Variants in TUSC3 observed in about 807,000 individuals in gnomAD.
TUSC3 encodes tumor suppressor candidate 3.
A neutral mutation model predicts 44.8 loss-of-function variants in TUSC3; 45 were observed. The observed-to-expected ratio is 1.00, with a 90% CI of 0.79 to 1.29. The LOEUF is 1.29. Among genes scored for constraint, TUSC3 ranks in the 50% most tolerant of loss-of-function variants. The probability of loss-of-function intolerance (pLI) is 0.00; values close to 1 mark genes in which losing one functional copy is unlikely to be tolerated. For missense variants in TUSC3, 519 were observed against 437.9 expected (o/e 1.19, Z -1.65); for synonymous variants, 212 against 152.9 (o/e 1.39, Z -2.85).
At chr8:15,807,030 A>C in the TUSC3 span, 1 of 1,430,172 alleles carries the variant, frequency 7.0e-7, no homozygotes, top group Non-Finnish European at 9.8e-7. Flanking sequence ...CAGACCCTGT[A>C]AATCCTGGTT....
chr8:15,836,079 G>C, the TUSC3 span, among the ~76,000 whole-genome samples: 4 of 151,620 alleles, frequency 2.6e-5, no homozygotes, highest in Non-Finnish European at 5.9e-5. Context: ...CAAAAGCTTT[G>C]TTTTCTTTCT....
At position 15,491,467 on chromosome 8, in the gene TUSC3, C is replaced by T. The variant is rs138900674; in HGVS notation, n.189+7984C>T. On this transcript the variant is annotated intron_variant and non_coding_transcript_variant, in intron 2 of 5. Coordinates refer to the TUSC3 transcript ENST00000503191. ...TTTTTTTCCTTTCAGTGTTACAAAT[C>T]AGAGTGAGTCTTGTAAATCTACCCA... Among the ~76,000 whole-genome samples the T allele has an allele frequency of 2.6e-3, 400 of 151,972 alleles. 2 individuals carry two copies. Among genetic ancestry groups the T allele is most frequent in the African/African-American group, 8.4e-3 (347 of 41,450 alleles).
intron 2 of TUSC3, among the ~76,000 whole-genome samples, chr8:15,515,698 C>T (rs112201719): frequency 6.6e-6 from 1 of 151,988 alleles, no homozygotes; most frequent in African/African-American, 2.4e-5. Context: ...GACGGAGTCT[C>T]ACTCTGTCAC....
the TUSC3 span, among the ~76,000 whole-genome samples, chr8:15,803,930 T>G: frequency 6.6e-6 from 1 of 152,242 alleles, no homozygotes; most frequent in Non-Finnish European, 1.5e-5. Flanking sequence ...GTGCCACATT[T>G]TCTTTATCCA....
downstream of TUSC3, among the ~76,000 whole-genome samples, chr8:15,769,491 G>C (rs761900683): frequency 6.6e-6 from 1 of 152,074 alleles, no homozygotes; most frequent in Admixed American, 6.5e-5. Flanking sequence ...AGAAAACCTA[G>C]GCAATACCAT....
chr8:15,483,260 G>T, intron 1 of TUSC3: 1 of 170,938 alleles, frequency 5.9e-6, no homozygotes, highest in South Asian at 1.4e-4. Context: ...TAAGCAACAT[G>T]GGTTATTAGT....
At chr8:15,658,667 A>T (rs979223374) in intron 3 of TUSC3, among the ~76,000 whole-genome samples, 1 of 139,446 alleles carries the variant, frequency 7.2e-6, no homozygotes, top group Non-Finnish European at 1.5e-5. Context: ...CACAAATACA[A>T]TATATATACA....
chr8:15,496,271 AT>A (rs1800878941), intron 2 of TUSC3, among the ~76,000 whole-genome samples: 1 of 152,164 alleles, frequency 6.6e-6, no homozygotes, highest in African/African-American at 2.4e-5. Flanking sequence ...CTTTTAACAT[AT>A]GTTCTGCCCT....
chr8:15,559,512 G>T (rs201081845), intron 1 of TUSC3, among the ~76,000 whole-genome samples: 1 of 127,940 alleles, frequency 7.8e-6, no homozygotes, highest in Non-Finnish European at 1.7e-5. Context: ...GTAGATGTCT[G>T]TTAGGTCCGC....
intron 1 of TUSC3, among the ~76,000 whole-genome samples, chr8:15,471,992 A>C (rs1304467902): frequency 6.6e-6 from 1 of 152,032 alleles, no homozygotes; most frequent in Non-Finnish European, 1.5e-5. Flanking sequence ...GGTTATGTGC[A>C]CAAGAAAAAA....
At chr8:15,446,237 C>T (rs536964769) in intron 1 of TUSC3, among the ~76,000 whole-genome samples, 1 of 151,582 alleles carries the variant, frequency 6.6e-6, no homozygotes, top group Admixed American at 6.6e-5. Flanking sequence ...CTCCTCACTT[C>T]CTAGATGGGA....
At chr8:15,589,000 C>G (rs1803711638) in intron 1 of TUSC3, among the ~76,000 whole-genome samples, 1 of 152,092 alleles carries the variant, frequency 6.6e-6, no homozygotes, top group Non-Finnish European at 1.5e-5. Context: ...ATGCTTCCAG[C>G]TTTGTTCTTT....
chr8:15,483,554 G>C (rs1294280343), intron 2 of TUSC3: 3 of 154,548 alleles, frequency 1.9e-5, no homozygotes, highest in Non-Finnish European at 4.3e-5. Context: ...TGATCAGGCT[G>C]TCTTGAACTC....
intron 6 of TUSC3, among the ~76,000 whole-genome samples, chr8:15,679,423 T>C (rs1808319841): frequency 6.6e-6 from 1 of 152,188 alleles, no homozygotes. Flanking sequence ...TATCAGTTCA[T>C]ATCCTTTGCC....
intron 1 of TUSC3, among the ~76,000 whole-genome samples, chr8:15,425,065 G>C (rs552537746): frequency 6.6e-6 from 1 of 152,174 alleles, no homozygotes; most frequent in South Asian, 2.1e-4. Flanking sequence ...TCCTAGGAAT[G>C]AGATAAAAAC....
chr8:15,534,710 T>A (rs1238584644), intron 2 of TUSC3, among the ~76,000 whole-genome samples: 3 of 151,648 alleles, frequency 2.0e-5, no homozygotes, highest in Admixed American at 6.6e-5. Flanking sequence ...AATGAACGAT[T>A]CGTGAATCCA....
intron 2 of TUSC3, among the ~76,000 whole-genome samples, chr8:15,533,159 G>A (rs570527135): frequency 7.4e-4 from 113 of 152,276 alleles, no homozygotes; most frequent in African/African-American, 2.6e-3. Flanking sequence ...CACCATCCAC[G>A]TAAGATGTGA....
downstream of TUSC3, among the ~76,000 whole-genome samples, chr8:15,768,541 A>G (rs977906307): frequency 1.3e-5 from 2 of 152,196 alleles, no homozygotes; most frequent in African/African-American, 4.8e-5. Flanking sequence ...AAGAGCTAAC[A>G]GAAACCATGG....
intron 6 of TUSC3, among the ~76,000 whole-genome samples, chr8:15,719,002 A>G (rs1810184734): frequency 6.6e-6 from 1 of 152,044 alleles, no homozygotes; most frequent in South Asian, 2.1e-4. Flanking sequence ...CTGCTCCAGG[A>G]TAAGATCACT....
Sources: gnomAD v4.1 joint callset for allele counts (sites outside exome capture counted in the v4.1 genomes callset) on GRCh38, gnomAD v4.1.1 for gene constraint, MANE v1.5 for transcripts, NCBI Gene and HGNC (gene_info 2026-07-23, HGNC 2026-07-21) for gene names.